NXN: variants seen among roughly 807,000 people sequenced by gnomAD.
NXN encodes nucleoredoxin 1.
A neutral mutation model predicts 48.6 loss-of-function variants in NXN; 16 were observed. That is an observed-to-expected ratio of 0.33 (90% CI 0.22 to 0.50). NXN has a LOEUF of 0.50. Among genes scored for constraint, NXN ranks in the 20% least tolerant of loss-of-function variants. NXN has a pLI of 0.98. For synonymous variants in NXN, 281 were observed against 269.6 expected (o/e 1.04, Z -0.41); for missense variants, 492 against 605.5 (o/e 0.81, Z 1.97).
intron 1 of NXN, among the ~76,000 whole-genome samples, chr17:962,846 G>A (rs1017716640): frequency 1.3e-5 from 2 of 152,126 alleles, no homozygotes; most frequent in Admixed American, 6.6e-5. Flanking sequence ...GCCCAGCGGC[G>A]GGAGTTTCAC....
intron 1 of NXN, among the ~76,000 whole-genome samples, chr17:866,908 C>G (rs7215355): frequency 0.16 from 24,086 of 152,160 alleles, 2,551 homozygotes; most frequent in African/African-American, 0.29. Flanking sequence ...CCTCAGGCTG[C>G]GGGTCAGAAC....
rs552669068 is a variant in NXN, at chr17:919,067, TA to T, written c.360+60251del. Among the ~76,000 whole-genome samples, 1,146 of 144,764 alleles carry T rather than the reference TA, an allele frequency of 7.9e-3. 8 individuals carry two copies. Among genetic ancestry groups the T allele is most frequent in the African/African-American group, 0.024 (945 of 39,730 alleles). 95.0% of individuals were successfully genotyped at this position (144,764 alleles called of 152,430 possible). ...GCAACAGAGTAAGACCCTATTGCTT[TA>T]AAAAAAAAAAATGTTTCAGCCAGGC... is the stretch of plus-strand genomic sequence containing the variant. On this transcript the variant is annotated intron_variant, in intron 1 of 7. Coordinates refer to ENST00000336868, the MANE Select transcript of NXN (RefSeq NM_022463.5). The surrounding 1 kb of genome is among the most constrained non-coding windows in gnomAD (Gnocchi z 5.1).
intron 1 of NXN, among the ~76,000 whole-genome samples, chr17:853,041 A>G (rs562992185): frequency 1.3e-5 from 2 of 151,802 alleles, no homozygotes; most frequent in South Asian, 2.1e-4. Context: ...GCAATGGCGC[A>G]ATCTCAGCTC....
chr17:936,104 A>C lies in NXN; in HGVS notation c.360+43215T>G, dbSNP rs1283333343. Among the ~76,000 whole-genome samples the C allele has an allele frequency of 2.0e-5, 3 of 151,554 alleles. 1 individual carries two copies. The highest frequency in any genetic ancestry group is 1.3e-4 in the Admixed American group (2 of 15,192). On this transcript the variant is annotated intron_variant, in intron 1 of 7. Coordinates refer to ENST00000336868, the MANE Select transcript of NXN (RefSeq NM_022463.5). ...AAGATTCCATCTCAAAAAAAAAAAA[A>C]AAAAAAACCTCCAGCTCCTGCTTGT...
At position 819,923 on chromosome 17, in the gene NXN, A is replaced by C. The variant is rs138015023; in HGVS notation, c.714-378T>G. 2.6e-5 allele frequency among the ~76,000 whole-genome samples: 4 copies of C among 152,204 alleles called. No homozygotes were observed. The East Asian group carries it at 7.7e-4, about 29-fold the overall frequency. ...ATTTGTGCACGGAACAGTGACTCAT[A>C]TGGGACCTCAAATTTAAACCAACCA... On this transcript the variant is annotated intron_variant, in intron 4 of 7. Coordinates refer to ENST00000336868, the MANE Select transcript of NXN (RefSeq NM_022463.5).
chr17:806,209 C>T (rs1190855032), intron 5 of NXN, among the ~76,000 whole-genome samples: 3 of 114,920 alleles, frequency 2.6e-5, no homozygotes, highest in South Asian at 3.2e-4. Context: ...CTGCAGCCCC[C>T]GCCGTCTGCA....
chr17:823,447 T>C (rs1000067892), intron 3 of NXN, among the ~76,000 whole-genome samples, 185 bp downstream of exon 3: 2 of 151,458 alleles, frequency 1.3e-5, no homozygotes, highest in Non-Finnish European at 2.9e-5. Flanking sequence ...AAAGAAGTCA[T>C]TTCTTGCTGC....
At chr17:947,723 G>A (rs2069059660) in intron 1 of NXN, among the ~76,000 whole-genome samples, 2 of 126,422 alleles carry the variant, frequency 1.6e-5, no homozygotes, top group African/African-American at 3.0e-5. Flanking sequence ...ACAGGGTGAG[G>A]CTCCCTCTCA....
chr17:878,447 CGGGCGGGGGTGGGGGGA>C (rs2068243259), intron 1 of NXN, among the ~76,000 whole-genome samples: 2 of 31,182 alleles, frequency 6.4e-5, no homozygotes, highest in East Asian at 1.5e-3. Context: ...GAGGGGTTTG[CGGGCGGGGGTGGGGGGA>C]CCTTGAAGGT....
At position 853,723 on chromosome 17, in the gene NXN, ATTTTTTT is replaced by A. The variant is rs1221156589; in HGVS notation, c.361-27652_361-27646del. On this transcript the variant is annotated intron_variant, in intron 1 of 7. Transcript: ENST00000336868. The stretch of plus-strand genomic sequence containing the variant: ...TACACATATATATATATATATATAT[ATTTTTTT>A]TTTTTTTTCCAAGACGGAGTCTCAC... Among the ~76,000 whole-genome samples the A allele has an allele frequency of 4.6e-3, 491 of 105,982 alleles. 13 individuals carry two copies. Among genetic ancestry groups the A allele is most frequent in the African/African-American group, 0.02 (455 of 23,246 alleles). The allele number at this position is 105,982 out of a possible 152,430, so 69.5% of individuals were successfully genotyped here.
At chr17:881,154 T>A (rs1463557986) in intron 1 of NXN, among the ~76,000 whole-genome samples, 3 of 152,128 alleles carry the variant, frequency 2.0e-5, no homozygotes, top group Non-Finnish European at 2.9e-5. Flanking sequence ...CTGACTAGAA[T>A]AGCAAAAGTA....
intron 5 of NXN, among the ~76,000 whole-genome samples, chr17:811,294 G>A (rs533182597): frequency 2.6e-5 from 4 of 152,338 alleles, no homozygotes; most frequent in South Asian, 2.1e-4. Flanking sequence ...GTTGGGCCAC[G>A]GGAGCCAAAC....
chr17:971,845 A>C (rs1011020974), intron 1 of NXN, among the ~76,000 whole-genome samples: 1 of 152,228 alleles, frequency 6.6e-6, no homozygotes, highest in Non-Finnish European at 1.5e-5. Flanking sequence ...CACACCATGC[A>C]CCACTGGGAA....
intron 1 of NXN, chr17:933,235 G>C (rs577678914): frequency 2.0e-5 from 3 of 152,166 alleles, no homozygotes; most frequent in Non-Finnish European, 4.4e-5. Flanking sequence ...TAACTGGTGC[G>C]AGGCAGCTGA....
chr17:933,380 C>T (rs12944553), intron 1 of NXN: 18,425 of 151,934 alleles, frequency 0.12, 1,394 homozygotes, highest in Middle Eastern at 0.24. Flanking sequence ...GGAGAGACTC[C>T]GGGCACACAT....
At chr17:864,100 A>C in intron 1 of NXN, 1 of 1,271,836 alleles carries the variant, frequency 7.9e-7, no homozygotes, top group South Asian at 1.6e-5. Context: ...GTTCCGGTGA[A>C]GGGGCACGTT....
chr17:899,980 TG>T (rs2068522047), intron 1 of NXN, among the ~76,000 whole-genome samples: 1 of 152,036 alleles, frequency 6.6e-6, no homozygotes, highest in African/African-American at 2.4e-5. Context: ...AAAACTTTTC[TG>T]AGGGCCGGGC....
chr17:892,596 A>C (rs539895116), intron 1 of NXN, among the ~76,000 whole-genome samples: 1 of 132,674 alleles, frequency 7.5e-6, no homozygotes, highest in Non-Finnish European at 1.6e-5. Context: ...CAGGTCTCGC[A>C]GTCTCAGCAC....
intron 1 of NXN, among the ~76,000 whole-genome samples, chr17:931,479 C>T (rs913125039): frequency 2.0e-5 from 3 of 150,648 alleles, no homozygotes; most frequent in African/African-American, 7.3e-5. Flanking sequence ...AAGATAAAGT[C>T]ATATAATAAG....
Sources: allele counts gnomAD v4.1 joint callset (sites outside exome capture counted in the v4.1 genomes callset), GRCh38; gene constraint gnomAD v4.1.1; non-coding constraint Gnocchi (gnomAD v3.1); transcripts MANE v1.5; gene names NCBI Gene and HGNC (gene_info 2026-07-23, HGNC 2026-07-21).